Variants in FHIT observed in about 807,000 individuals in gnomAD.
FHIT encodes fragile histidine triad diadenosine triphosphatase.
Under a neutral mutation model 17.9 loss-of-function variants are expected in FHIT, and 19 were observed. That is an observed-to-expected ratio of 1.06 (90% confidence interval 0.74 to 1.56). FHIT has a LOEUF of 1.56. FHIT is among the 40% of genes most tolerant of loss of function. The pLI is 0.00. For missense variants in FHIT, 248 were observed against 189.2 expected, an observed-to-expected ratio of 1.31 and a Z score of -1.82; for synonymous variants, 81 against 69.7, an observed-to-expected ratio of 1.16 and a Z score of -0.81.
chr3:60,625,206 G>T (rs2039251298), intron 4 of FHIT, among the ~76,000 whole-genome samples: 1 of 152,170 alleles, frequency 6.6e-6, no homozygotes, highest in Non-Finnish European at 1.5e-5. Flanking sequence ...ACCACGCCTG[G>T]CCTTGTTTCT....
intron 1 of FHIT, among the ~76,000 whole-genome samples, chr3:61,219,162 A>C (rs1188954232): frequency 1.3e-5 from 2 of 152,188 alleles, no homozygotes; most frequent in African/African-American, 4.8e-5. Flanking sequence ...TAAACATATA[A>C]AAGGTATGGT....
intron 4 of FHIT, among the ~76,000 whole-genome samples, chr3:60,574,966 TTGGGAACATCGTTTGTGCC>T (rs1231446874): frequency 6.6e-6 from 1 of 151,240 alleles, no homozygotes; most frequent in Non-Finnish European, 1.5e-5. Context: ...CTTCTTGAGG[TTGGGAACATCGTTTGTGCC>T]TGTCACATCT....
intron 1 of FHIT, among the ~76,000 whole-genome samples, chr3:61,241,819 T>A (rs754470520): frequency 3.3e-5 from 5 of 152,206 alleles, no homozygotes; most frequent in Non-Finnish European, 7.3e-5. Context: ...CTCAATTTTC[T>A]CTTCTATTCC....
intron 4 of FHIT, among the ~76,000 whole-genome samples, chr3:60,593,459 G>C (rs2038157992): frequency 6.6e-6 from 1 of 152,092 alleles, no homozygotes; most frequent in Non-Finnish European, 1.5e-5. Context: ...CTTGAAATTA[G>C]TGTTGAAAAA....
intron 2 of FHIT, among the ~76,000 whole-genome samples, chr3:61,107,501 T>G (rs1394348272): frequency 6.6e-6 from 1 of 152,226 alleles, no homozygotes; most frequent in Non-Finnish European, 1.5e-5. Context: ...AGTGGGATTC[T>G]GGAATCATAT....
At chr3:60,401,854 G>C (rs1188988528) in intron 5 of FHIT, among the ~76,000 whole-genome samples, 2 of 152,172 alleles carry the variant, frequency 1.3e-5, no homozygotes, top group Non-Finnish European at 2.9e-5. Flanking sequence ...TAATCTTGCA[G>C]ATTGGTCCTT....
chr3:60,635,169 A>T (rs192359578), intron 4 of FHIT, among the ~76,000 whole-genome samples: 12 of 152,358 alleles, frequency 7.9e-5, no homozygotes, highest in African/African-American at 2.9e-4. Flanking sequence ...GTTCCTTATT[A>T]TCTATAATAC....
At chr3:61,023,687 T>A (rs1174663602) in intron 3 of FHIT, among the ~76,000 whole-genome samples, 1 of 152,020 alleles carries the variant, frequency 6.6e-6, no homozygotes, top group East Asian at 1.9e-4. Context: ...GCCTGAGAAA[T>A]AACACCAGAC....
intron 3 of FHIT, among the ~76,000 whole-genome samples, chr3:60,942,115 C>T (rs1553774690): frequency 1.3e-5 from 2 of 152,082 alleles, no homozygotes; most frequent in African/African-American, 4.8e-5. Flanking sequence ...TCCCGAGTAG[C>T]TGGATTATAG....
At chr3:60,592,663 T>A (rs1021783623) in intron 4 of FHIT, among the ~76,000 whole-genome samples, 1 of 152,160 alleles carries the variant, frequency 6.6e-6, no homozygotes, top group African/African-American at 2.4e-5. Flanking sequence ...CGCCCATCAC[T>A]TCTCATTGTC....
Position 60,698,160 on chromosome 3 carries a change from T to C in FHIT, c.-18+123759A>G, listed in dbSNP as rs538481701. Among the ~76,000 whole-genome samples the C allele has an allele frequency of 5.9e-5, 9 of 152,324 alleles. No homozygotes were observed. The South Asian group carries it at 1.9e-3, about 32-fold the overall frequency. ...TCTTTTTTTCCTATCCATCTGCTAC[T>C]TGAAATGGGATGACCTTTCAAATAG... On this transcript the variant is annotated intron_variant, in intron 4 of 9. Transcript: ENST00000492590.
At chr3:59,842,904 T>G (rs373243774) in intron 8 of FHIT, among the ~76,000 whole-genome samples, 4 of 152,282 alleles carry the variant, frequency 2.6e-5, no homozygotes, top group African/African-American at 9.6e-5. Context: ...ACAAAAATGT[T>G]TTTCATTTAA....
chr3:60,403,995 C>T (rs1035778972), intron 5 of FHIT, among the ~76,000 whole-genome samples: 5 of 152,132 alleles, frequency 3.3e-5, no homozygotes, highest in Non-Finnish European at 5.9e-5. Flanking sequence ...AGCTTTTCTG[C>T]GTGGCAGATA....
At chr3:59,760,414 G>A (rs1215439806) in intron 8 of FHIT, among the ~76,000 whole-genome samples, 1 of 152,144 alleles carries the variant, frequency 6.6e-6, no homozygotes, top group Non-Finnish European at 1.5e-5. Context: ...AGCGGCAAAT[G>A]AGACTTTGCT....
intron 5 of FHIT, among the ~76,000 whole-genome samples, chr3:60,417,264 C>A (rs142420982): frequency 6.6e-6 from 1 of 152,100 alleles, no homozygotes; most frequent in Non-Finnish European, 1.5e-5. Flanking sequence ...CAAGAAACTT[C>A]ATGGTGAAAA....
intron 8 of FHIT, among the ~76,000 whole-genome samples, chr3:59,913,224 A>T (rs925346169): frequency 5.3e-5 from 8 of 152,020 alleles, no homozygotes; most frequent in Admixed American, 2.6e-4. Flanking sequence ...TGTGTGTGTA[A>T]ATGTCTCTAA....
At chr3:60,234,239 C>T (rs904587718) in intron 5 of FHIT, among the ~76,000 whole-genome samples, 38 of 152,130 alleles carry the variant, frequency 2.5e-4, no homozygotes, top group African/African-American at 8.4e-4. Flanking sequence ...ATAATTAATG[C>T]CTTGGAAAGT....
intron 5 of FHIT, among the ~76,000 whole-genome samples, chr3:60,402,037 A>C (rs967447882): frequency 3.9e-5 from 6 of 152,126 alleles, no homozygotes; most frequent in Non-Finnish European, 8.8e-5. Flanking sequence ...CACAAAATGC[A>C]TGCTTGATTA....
At chr3:60,040,458 G>A (rs909676426) in intron 5 of FHIT, among the ~76,000 whole-genome samples, 1 of 151,928 alleles carries the variant, frequency 6.6e-6, no homozygotes, top group Non-Finnish European at 1.5e-5. Flanking sequence ...CTTCTTTCTT[G>A]ACCTTCCTTT....
Sources: allele counts gnomAD v4.1 joint callset (sites outside exome capture counted in the v4.1 genomes callset), GRCh38; gene constraint gnomAD v4.1.1; transcripts MANE v1.5; gene names NCBI Gene and HGNC (gene_info 2026-07-23, HGNC 2026-07-21).